ERCC8: variants seen among roughly 807,000 people sequenced by gnomAD.
ERCC8 encodes the protein DNA excision repair protein ERCC-8.
A neutral mutation model predicts 54.9 loss-of-function variants in ERCC8; 52 were observed. The observed-to-expected ratio is 0.95, with a 90% CI of 0.76 to 1.19. The LOEUF (loss-of-function observed/expected upper bound fraction) is 1.19. Ranked by LOEUF, ERCC8 falls within the 50% of genes most tolerant of loss-of-function variation. The probability of loss-of-function intolerance (pLI) is 0.00; values close to 1 mark genes in which losing one functional copy is unlikely to be tolerated. For missense variants in ERCC8, 514 were observed against 466.1 expected, an observed-to-expected ratio of 1.10 and a Z score of -0.95; for synonymous variants, 146 against 157.2, an observed-to-expected ratio of 0.93 and a Z score of 0.53.
At chr5:60,938,044 CATACATATATATATATATATATAT>C (rs1185953561) in intron 1 of ERCC8, among the ~76,000 whole-genome samples, 21 of 16,710 alleles carry the variant, frequency 1.3e-3, no homozygotes, top group African/African-American at 3.5e-3. Context: ...TACATACATA[CATACATATATATATATATATATAT>C]ATATATATAT....
intron 9 of ERCC8, chr5:60,892,913 G>T: frequency 1.4e-6 from 1 of 739,312 alleles, no homozygotes; most frequent in South Asian, 1.4e-5. Context: ...CCATATGGAT[G>T]TGGGTGCGCA....
rs1561490332 is a variant in ERCC8 at position 60,871,698 on chromosome 5, CCTATATAT to C, written c.*2909_*2916del. On this transcript the variant is annotated 3_prime_UTR_variant, in exon 12 of 12. Transcript: ENST00000676185. Reference sequence around the variant, plus strand: ...TGTTGTTTGAATTATTTATAATGAGCCTATATATCTATATAACTAGAAGTAAGTAAAAC... The same window carrying C: ...TGTTGTTTGAATTATTTATAATGAGCCTATATAACTAGAAGTAAGTAAAAC... Among the ~76,000 whole-genome samples, 1 of 152,134 alleles carries C rather than the reference CCTATATAT, an allele frequency of 6.6e-6. No homozygotes were observed. The highest frequency in any genetic ancestry group is 1.9e-4 in the East Asian group (1 of 5,192).
At chr5:60,938,044 CATACATATATAT>C (rs1172081129) in intron 1 of ERCC8, among the ~76,000 whole-genome samples, 69 of 16,670 alleles carry the variant, frequency 4.1e-3, no homozygotes, top group South Asian at 6.0e-3. Flanking sequence ...TACATACATA[CATACATATATAT>C]ATATATATAT....
At chr5:60,911,045 A>ATTTTAT (rs1385800337) in intron 4 of ERCC8, among the ~76,000 whole-genome samples, 1 of 152,020 alleles carries the variant, frequency 6.6e-6, no homozygotes, top group Non-Finnish European at 1.5e-5. Flanking sequence ...TATGCAGAGA[A>ATTTTAT]TTTTATTTTT....
chr5:60,874,731 T>A, intron 11 of ERCC8, 48 bp from the exon 12 acceptor site: 1 of 1,489,112 alleles, frequency 6.7e-7, no homozygotes, highest in Non-Finnish European at 9.2e-7. Flanking sequence ...TTTTTTCTAC[T>A]TCATAATTTT....
Position 60,932,845 on chromosome 5 carries a change from G to T in ERCC8, c.78-3886C>A, listed in dbSNP as rs572702407. Among the ~76,000 whole-genome samples the T allele has an allele frequency of 3.7e-4, 57 of 152,258 alleles. 1 individual carries two copies. In the South Asian group the frequency reaches 0.011, roughly 31 times the overall value. On this transcript the variant is annotated intron_variant, in intron 1 of 11. Transcript: ENST00000676185. ...AAAATGGGCAAGGAGAGAGGAAAGA[G>T]TAGACACATAAAGGAGGGAGGGTAA...
At chr5:60,934,302 A>G (rs1256811561) in intron 1 of ERCC8, among the ~76,000 whole-genome samples, 2 of 152,116 alleles carry the variant, frequency 1.3e-5, no homozygotes, top group African/African-American at 4.8e-5. Context: ...GTAATATCAC[A>G]TTGTGGTTTT....
At chr5:60,893,414 C>G in intron 9 of ERCC8, 1 of 903,094 alleles carries the variant, frequency 1.1e-6, no homozygotes, top group Non-Finnish European at 1.9e-6. Context: ...CTCCTCAACC[C>G]TCTTCTTTAT....
At chr5:60,891,850 G>T in intron 9 of ERCC8, 1 of 405,728 alleles carries the variant, frequency 2.5e-6, no homozygotes. Context: ...ATGCTTCAGG[G>T]AGAACCAAAC....
intron 11 of ERCC8, among the ~76,000 whole-genome samples, chr5:60,875,851 C>T (rs900832544): frequency 6.6e-6 from 1 of 151,940 alleles, no homozygotes; most frequent in African/African-American, 2.4e-5. Context: ...CGCCTGCCAC[C>T]ACGCCTGGAT....
intron 1 of ERCC8, 71 bp from the exon 2 acceptor site, chr5:60,929,030 A>G: frequency 1.1e-6 from 1 of 893,608 alleles, no homozygotes; most frequent in South Asian, 1.4e-5. Context: ...TTTAACCAAG[A>G]TTACTTATGG....
rs758109819 is a variant in ERCC8 at position 60,922,083 on chromosome 5, G to A, written c.246C>T (p.Tyr82=). 2 of 1,609,900 alleles carry A rather than the reference G, an allele frequency of 1.2e-6. No individual in the cohort carries two copies. The highest frequency in any genetic ancestry group is 2.2e-5 in the South Asian group (2 of 90,626). Residue 82 remains tyrosine, a synonymous_variant, in exon 3 of 12, where the codon TAC becomes TAT. Transcript: ENST00000676185. ...CAATGGAACACACTGCTTTACATGT[G>A]TAATAAGATTGTCTGCTGGAGTTCT... is the stretch of plus-strand genomic sequence containing the variant. The part of the protein sequence containing the change: ...DLENSSRQSY[Y]TCKAVCSIGR...
At chr5:60,921,233 A>G (rs574173056) in intron 3 of ERCC8, among the ~76,000 whole-genome samples, 1 of 152,074 alleles carries the variant, frequency 6.6e-6, no homozygotes, top group East Asian at 1.9e-4. Flanking sequence ...CCAACAAACA[A>G]TAGCAAATCT....
chr5:60,881,455 G>A (rs169663), intron 11 of ERCC8, among the ~76,000 whole-genome samples: 1 of 152,204 alleles, frequency 6.6e-6, no homozygotes, highest in African/African-American at 2.4e-5. Flanking sequence ...CGTGCCCCCA[G>A]AGGTGAAGTC....
intron 9 of ERCC8, chr5:60,892,851 T>G (rs987729152): frequency 4.8e-5 from 33 of 692,628 alleles, no homozygotes; most frequent in Non-Finnish European, 8.2e-5. Flanking sequence ...ATGGCTGTGC[T>G]TCAGGCTTTT....
At chr5:60,933,162 T>C (rs775421502) in intron 1 of ERCC8, among the ~76,000 whole-genome samples, 1 of 151,876 alleles carries the variant, frequency 6.6e-6, no homozygotes, top group Non-Finnish European at 1.5e-5. Flanking sequence ...ATGGCTTTTA[T>C]AGGATGTATA....
intron 10 of ERCC8, among the ~76,000 whole-genome samples, chr5:60,889,321 C>T (rs1163146663): frequency 6.6e-6 from 1 of 151,966 alleles, no homozygotes; most frequent in Non-Finnish European, 1.5e-5. Context: ...CTTACTTATC[C>T]CAGCCTAGAT....
chr5:60,880,341 G>A (rs2112461490), intron 11 of ERCC8, among the ~76,000 whole-genome samples: 1 of 152,260 alleles, frequency 6.6e-6, no homozygotes, highest in African/African-American at 2.4e-5. Flanking sequence ...ACAATTATGT[G>A]TCTTGGAGTT....
intron 10 of ERCC8, among the ~76,000 whole-genome samples, chr5:60,887,850 C>T (rs1748441303): frequency 6.6e-6 from 1 of 152,064 alleles, no homozygotes; most frequent in Non-Finnish European, 1.5e-5. Context: ...TTTCTGTGTC[C>T]AAATAACTGA....
Sources: gnomAD v4.1 joint callset for allele counts (sites outside exome capture counted in the v4.1 genomes callset) on GRCh38, gnomAD v4.1.1 for gene constraint, MANE v1.5 for transcripts, NCBI Gene and HGNC (gene_info 2026-07-23, HGNC 2026-07-21) for gene names.